DGKH: variants seen among roughly 807,000 people sequenced by gnomAD.
The protein encoded by DGKH is DAG kinase eta.
DGKH carries 90 observed loss-of-function variants against 159.3 expected under a neutral mutation model. The observed-to-expected ratio is 0.57, with a 90% CI of 0.48 to 0.67. DGKH has a LOEUF of 0.67. Among genes scored for constraint, DGKH ranks in the 30% least tolerant of loss-of-function variants. The pLI is 0.00. For missense variants in DGKH, 1,181 were observed against 1,506.1 expected (o/e 0.78, Z 3.57); for synonymous variants, 536 against 553.8 (o/e 0.97, Z 0.45).
downstream of DGKH, among the ~76,000 whole-genome samples, chr13:42,246,774 C>T (rs79541717): frequency 0.01 from 1,545 of 152,314 alleles, 20 homozygotes; most frequent in African/African-American, 0.034. Flanking sequence ...TATCACCCCC[C>T]GCAACTGAGA....
chr13:42,180,432 A>G (rs959075900), intron 13 of DGKH, among the ~76,000 whole-genome samples: 16 of 152,214 alleles, frequency 1.1e-4, no homozygotes, highest in Non-Finnish European at 2.1e-4. Context: ...GGGATATGGA[A>G]AGAAGGCCTG....
chr13:42,221,498 C>T (rs1026365747), intron 29 of DGKH, 104 bp downstream of exon 29: 1 of 1,444,160 alleles, frequency 6.9e-7, no homozygotes. Context: ...TTATGTCATG[C>T]AAATGTGTAG....
At chr13:42,057,871 G>A (rs1881876370) in intron 1 of DGKH, among the ~76,000 whole-genome samples, 1 of 152,152 alleles carries the variant, frequency 6.6e-6, no homozygotes, top group Non-Finnish European at 1.5e-5. Flanking sequence ...TAGGCAATGA[G>A]CCATGTGGAC....
At chr13:42,202,981 T>TA (rs1957383456) in intron 20 of DGKH, among the ~76,000 whole-genome samples, 1 of 152,180 alleles carries the variant, frequency 6.6e-6, no homozygotes, top group Non-Finnish European at 1.5e-5. Context: ...CAAATAACTT[T>TA]AAAAAACAGT....
At chr13:42,188,820 A>G (rs1956991022) in intron 14 of DGKH, among the ~76,000 whole-genome samples, 1 of 152,226 alleles carries the variant, frequency 6.6e-6, no homozygotes. Context: ...ATCAAAAGCC[A>G]TAATTTAAAT....
chr13:42,112,838 G>T (rs1269603905), intron 1 of DGKH, among the ~76,000 whole-genome samples: 1 of 152,184 alleles, frequency 6.6e-6, no homozygotes, highest in Non-Finnish European at 1.5e-5. Flanking sequence ...AGACAGTGCG[G>T]GGATGGACAT....
chr13:42,205,090 G>A (rs1337812069), intron 20 of DGKH, among the ~76,000 whole-genome samples: 1 of 152,076 alleles, frequency 6.6e-6, no homozygotes, highest in Non-Finnish European at 1.5e-5. Context: ...TGAAAATATA[G>A]CATCCATTTT....
rs182323547 is a variant in DGKH, at chr13:42,238,420, T to G, written c.*9232T>G. On this transcript the variant is annotated 3_prime_UTR_variant, in exon 30 of 30. Transcript: ENST00000337343. ...AACTCACTTCTAAAATCTTCAAAAA[T>G]TTTGAATAGTTTCATTTTTTCAATA... 1 of 152,178 alleles carries G rather than the reference T, an allele frequency of 6.6e-6. No individual in the cohort carries two copies. The highest frequency in any genetic ancestry group is 2.4e-5 in the African/African-American group (1 of 41,458). The allele number at this position is 152,178 out of a possible 1,614,324, so 9.4% of individuals were successfully genotyped here. A position where few individuals can be genotyped will look rare whatever the true frequency, so the allele number is the denominator to read the frequency against.
chr13:42,198,559 G>T lies in DGKH; in HGVS notation c.2249G>T (p.Gly750Val), dbSNP rs752982782. 1 of 1,613,226 alleles carries T rather than the reference G, an allele frequency of 6.2e-7. No individual in the cohort carries two copies. The highest frequency in any genetic ancestry group is 8.5e-7 in the Non-Finnish European group (1 of 1,179,694). The change falls in exon 18 of 30, where the codon GGT becomes GTT. Residue 750 changes from glycine (G) to valine (V), a missense_variant. Gly to Val is a moderately radical substitution (Grantham distance 109, BLOSUM62 -3). Transcript: ENST00000337343. ...TTACTGGCAAACATTGATCCTTTTGGTGCCACGCCGTTTATTGACCCGGAT... is the reference window on the plus strand; with the variant it reads ...TTACTGGCAAACATTGATCCTTTTGTTGCCACGCCGTTTATTGACCCGGAT... Reference protein sequence around the residue: ...KMLLANIDPFGATPFIDPDLD... With the variant: ...KMLLANIDPFVATPFIDPDLD...
intron 3 of DGKH, among the ~76,000 whole-genome samples, chr13:42,149,861 ACT>A (rs1429546361): frequency 6.6e-6 from 1 of 152,034 alleles, no homozygotes; most frequent in African/African-American, 2.4e-5. Flanking sequence ...AAACCAGAAA[ACT>A]CTTATTTTTC....
At chr13:42,041,249 G>A (rs1303159880) in intron 1 of DGKH, among the ~76,000 whole-genome samples, 4 of 152,194 alleles carry the variant, frequency 2.6e-5, no homozygotes, top group Non-Finnish European at 5.9e-5. Context: ...CGGGGGAGAG[G>A]AGAAGCCAGG....
intron 15 of DGKH, 24 bp downstream of exon 15, chr13:42,189,333 T>A (rs1234880744): frequency 6.2e-7 from 1 of 1,611,202 alleles, no homozygotes; most frequent in Non-Finnish European, 8.5e-7. Context: ...AATTTAGCTT[T>A]GGAAGAAGTT....
chr13:42,048,979 G>A lies in DGKH; in HGVS notation c.192+14G>A, dbSNP rs1331384180. On this transcript the variant is annotated intron_variant, in intron 1 of 29. Coordinates refer to ENST00000337343, the MANE Select transcript of DGKH (RefSeq NM_178009.5). The surrounding 1 kb of genome is among the most constrained non-coding windows in gnomAD (Gnocchi z 6.7). Reference sequence around the variant, plus strand: ...ATCCGGACCAAGGTAGGGCGGAGGAGGCGGGCCTGAGGGCCGCGTGGAAAG... The same window carrying A: ...ATCCGGACCAAGGTAGGGCGGAGGAAGCGGGCCTGAGGGCCGCGTGGAAAG... 1.6e-6 allele frequency: 2 copies of A among 1,277,756 alleles called. No individual in the cohort carries two copies. Among genetic ancestry groups the A allele is most frequent in the Admixed American group, 3.7e-5 (1 of 27,066 alleles). The allele number at this position is 1,277,756 out of a possible 1,614,324, so 79.2% of individuals were successfully genotyped here. A position where few individuals can be genotyped will look rare whatever the true frequency, so the allele number is the denominator to read the frequency against.
chr13:42,116,757 C>T (rs1393465527), intron 1 of DGKH, among the ~76,000 whole-genome samples: 1 of 152,124 alleles, frequency 6.6e-6, no homozygotes, highest in African/African-American at 2.4e-5. Context: ...CTGGAGCATC[C>T]ATGTGTGTAT....
At position 42,239,180 on chromosome 13, in the gene DGKH, A is replaced by G. The variant is rs1160002806; in HGVS notation, c.*9992A>G. 1 of 152,180 alleles carries G rather than the reference A, an allele frequency of 6.6e-6. No homozygotes were observed. The highest frequency in any genetic ancestry group is 6.5e-5 in the Admixed American group (1 of 15,282). The allele number at this position is 152,180 out of a possible 1,614,324, so 9.4% of individuals were successfully genotyped here. A position where few individuals can be genotyped will look rare whatever the true frequency, so the allele number is the denominator to read the frequency against. On this transcript the variant is annotated 3_prime_UTR_variant, in exon 30 of 30. Coordinates refer to ENST00000337343, the MANE Select transcript of DGKH (RefSeq NM_178009.5). ...CCTTAGTATAATTGAAATTAATTAT[A>G]ATTTTAATTAGAACATGCTCTGTTT...
chr13:42,178,932 G>A (rs910182103), intron 13 of DGKH, among the ~76,000 whole-genome samples: 5 of 152,098 alleles, frequency 3.3e-5, no homozygotes, highest in Admixed American at 3.3e-4. Context: ...CAGAAAAGGG[G>A]AAGAAAGAAA....
At chr13:42,224,953 A>G (rs1009464246) in intron 29 of DGKH, among the ~76,000 whole-genome samples, 3 of 152,074 alleles carry the variant, frequency 2.0e-5, no homozygotes, top group African/African-American at 7.2e-5. Context: ...ATAGACTCTC[A>G]TTCTGTCACC....
chr13:42,155,285 T>C lies in DGKH; in HGVS notation c.385-6T>C. The C allele has an allele frequency of 6.3e-7, 1 of 1,586,112 alleles. No homozygotes were observed. The highest frequency in any genetic ancestry group is 1.7e-4 in the Middle Eastern group (1 of 5,978). ...AACAATCATTAGATTGAATTATCCC[T>C]TTCAGATCATCACTCCATTCAGAAG... On this transcript the variant is annotated splice_polypyrimidine_tract_variant and splice_region_variant and intron_variant, in intron 3 of 29. Transcript: ENST00000337343.
chr13:42,045,631 G>A (rs1013142289), upstream of DGKH, among the ~76,000 whole-genome samples: 1 of 152,160 alleles, frequency 6.6e-6, no homozygotes, highest in Non-Finnish European at 1.5e-5. Context: ...AGCAAATAGC[G>A]TGTTCTTAAG....
Sources: gnomAD v4.1 joint callset for allele counts (sites outside exome capture counted in the v4.1 genomes callset) on GRCh38, gnomAD v4.1.1 for gene constraint, Gnocchi (gnomAD v3.1) non-coding constraint, MANE v1.5 for transcripts, NCBI Gene and HGNC (gene_info 2026-07-23, HGNC 2026-07-21) for gene names.